PID1: variants seen among roughly 807,000 people sequenced by gnomAD.
PID1 encodes PTB-containing, cubilin and LRP1-interacting protein.
A neutral mutation model predicts 19.1 loss-of-function variants in PID1; 10 were observed. The observed-to-expected ratio is 0.52, with a 90% CI of 0.32 to 0.89. PID1 has a LOEUF of 0.89. Among genes scored for constraint, PID1 ranks in the 40% least tolerant of loss-of-function variants. PID1 has a pLI of 0.03. For missense variants in PID1, 248 were observed against 285.3 expected (o/e 0.87, Z 0.94); for synonymous variants, 130 against 116.0 (o/e 1.12, Z -0.78).
intron 1 of PID1, among the ~76,000 whole-genome samples, chr2:229,174,732 A>T (rs1272954737): frequency 1.3e-5 from 2 of 152,110 alleles, no homozygotes. Context: ...AGAAAAAAAA[A>T]AAAAAAAGAA....
intron 2 of PID1, among the ~76,000 whole-genome samples, chr2:229,127,473 A>C (rs1174911944): frequency 6.6e-6 from 1 of 152,168 alleles, no homozygotes; most frequent in Non-Finnish European, 1.5e-5. Flanking sequence ...ACTGCCATAC[A>C]AGCCATCAGA....
At chr2:229,262,950 T>C in intron 1 of PID1, 1 of 1,398,800 alleles carries the variant, frequency 7.1e-7, no homozygotes, top group Non-Finnish European at 9.3e-7. Context: ...TATGACCTCA[T>C]CTTAACTTGC....
intron 1 of PID1, among the ~76,000 whole-genome samples, chr2:229,212,842 C>T (rs919980930): frequency 6.6e-6 from 1 of 151,990 alleles, no homozygotes; most frequent in Non-Finnish European, 1.5e-5. Flanking sequence ...GCAGGAGCTC[C>T]CACCCCCAGA....
At chr2:229,231,377 G>A (rs1226981) in intron 1 of PID1, among the ~76,000 whole-genome samples, 1 of 151,804 alleles carries the variant, frequency 6.6e-6, no homozygotes, top group Admixed American at 6.6e-5. Context: ...ACAGTCAATT[G>A]CCCCATCCCC....
chr2:229,091,516 T>A (rs1305498228), intron 2 of PID1, among the ~76,000 whole-genome samples: 1 of 151,992 alleles, frequency 6.6e-6, no homozygotes, highest in African/African-American at 2.4e-5. Context: ...TGGAAAATGG[T>A]TAGGTCATGG....
chr2:229,028,871 C>T (rs1243609105), intron 2 of PID1, among the ~76,000 whole-genome samples: 2 of 152,180 alleles, frequency 1.3e-5, no homozygotes, highest in South Asian at 4.1e-4. Flanking sequence ...TAGCCATCAT[C>T]CTATTATCCT....
chr2:229,084,782 T>C (rs567987454), intron 2 of PID1, among the ~76,000 whole-genome samples: 80 of 152,278 alleles, frequency 5.3e-4, no homozygotes, highest in African/African-American at 1.8e-3. Context: ...ACATCACATG[T>C]GAGAAACAAT....
intron 1 of PID1, among the ~76,000 whole-genome samples, chr2:229,244,579 A>G (rs1050122450): frequency 1.3e-5 from 2 of 152,176 alleles, no homozygotes; most frequent in African/African-American, 2.4e-5. Flanking sequence ...CAACTCAGTC[A>G]AAATTAGGTA....
At position 229,024,219 on chromosome 2, in the gene PID1, G is replaced by A. The variant is rs1251327808; in HGVS notation, c.*1413C>T. 6.6e-6 allele frequency: 1 copy of A among 152,504 alleles called. No individual in the cohort carries two copies. The highest frequency in any genetic ancestry group is 1.5e-5 in the Non-Finnish European group (1 of 68,036). The allele number at this position is 152,504 out of a possible 1,614,324, so 9.4% of individuals were successfully genotyped here. Reference sequence around the variant, plus strand: ...TGCAGACCGAAATGCTGACACCATCGCTCTCTAGATTGGATTAGCTCTCAT... The same window carrying A: ...TGCAGACCGAAATGCTGACACCATCACTCTCTAGATTGGATTAGCTCTCAT... On this transcript the variant is annotated 3_prime_UTR_variant, in exon 3 of 3. Coordinates refer to ENST00000392055, the MANE Select transcript of PID1 (RefSeq NM_001100818.2).
At chr2:229,197,226 G>A (rs1040060089) in intron 1 of PID1, among the ~76,000 whole-genome samples, 1 of 152,046 alleles carries the variant, frequency 6.6e-6, no homozygotes, top group Non-Finnish European at 1.5e-5. Context: ...ATAAGTAATA[G>A]TGGCAACTTA....
chr2:229,248,671 A>C (rs188613144), intron 1 of PID1, among the ~76,000 whole-genome samples: 2 of 152,264 alleles, frequency 1.3e-5, no homozygotes, highest in East Asian at 3.9e-4. Flanking sequence ...GTAACATTTT[A>C]TTGTAAGGAA....
chr2:229,107,661 C>T lies in PID1; in HGVS notation c.177+48157G>A, dbSNP rs73998551. Among the ~76,000 whole-genome samples, 468 of 152,212 alleles carry T rather than the reference C, an allele frequency of 3.1e-3. 5 individuals are homozygous for T. Among genetic ancestry groups the T allele is most frequent in the African/African-American group, 0.011 (445 of 41,520 alleles). On this transcript the variant is annotated intron_variant, in intron 2 of 2. Transcript: ENST00000392055. ...GGGTTTCTTATAATCAAGTTGTCGA[C>T]GGTGCTTTTATATTTGAGCATTTTG...
In PID1 at chr2:229,025,655, C is replaced by G; in HGVS notation, c.631G>C (p.Glu211Gln). ...SNSSSEEVSQ[E>Q]LESDDG Reference sequence around the variant, plus strand: ...ATTCAGCCATCATCGGATTCCAATTCCTGGGAAACCTCTTCGGAGGAGCTG... The same window carrying G: ...ATTCAGCCATCATCGGATTCCAATTGCTGGGAAACCTCTTCGGAGGAGCTG... Residue 211 changes from glutamate to glutamine, a missense_variant, in exon 3 of 3, where the codon GAA becomes CAA. Physicochemically the swap from Glu to Gln is conservative, Grantham distance 29. Coordinates refer to ENST00000392055, the MANE Select transcript of PID1 (RefSeq NM_001100818.2). 1.9e-6 allele frequency: 3 copies of G among 1,610,522 alleles called. No homozygotes were observed. Among genetic ancestry groups the G allele is most frequent in the Non-Finnish European group, 2.5e-6 (3 of 1,176,902 alleles).
Position 229,054,070 on chromosome 2 carries a change from T to C in PID1, c.178-27962A>G, listed in dbSNP as rs568932486. Reference sequence around the variant, plus strand: ...ATAACAGGTGGCTTTTATATGCTCATAATGCTATTAGGCAGGGTGGGATAT... The same window carrying C: ...ATAACAGGTGGCTTTTATATGCTCACAATGCTATTAGGCAGGGTGGGATAT... On this transcript the variant is annotated intron_variant, in intron 2 of 2. Transcript: ENST00000392055. Among the ~76,000 whole-genome samples, 8 of 150,882 alleles carry C rather than the reference T, an allele frequency of 5.3e-5. No homozygotes were observed. The South Asian group carries it at 1.7e-3, about 31-fold the overall frequency.
At chr2:229,065,681 C>G (rs1464604102) in intron 2 of PID1, among the ~76,000 whole-genome samples, 2 of 61,026 alleles carry the variant, frequency 3.3e-5, no homozygotes, top group Non-Finnish European at 6.5e-5. Flanking sequence ...TTGTTTTAAA[C>G]TAAAGCTACA....
At chr2:229,246,510 C>T (rs567423137) in intron 1 of PID1, among the ~76,000 whole-genome samples, 6 of 152,242 alleles carry the variant, frequency 3.9e-5, no homozygotes, top group East Asian at 3.9e-4. Context: ...AAGTCAGTCA[C>T]TCTATTCATG....
intron 2 of PID1, among the ~76,000 whole-genome samples, chr2:229,093,416 G>C (rs1031987961): frequency 1.3e-5 from 2 of 151,592 alleles, no homozygotes; most frequent in Non-Finnish European, 2.9e-5. Flanking sequence ...GAGCCATCAA[G>C]CCTCGCCCCC....
chr2:229,191,656 C>A (rs1386251279), intron 1 of PID1, among the ~76,000 whole-genome samples: 1 of 152,132 alleles, frequency 6.6e-6, no homozygotes, highest in Non-Finnish European at 1.5e-5. Flanking sequence ...AATACTTCAA[C>A]AAAAATTAAC....
chr2:229,098,050 A>G lies in PID1; in HGVS notation c.177+57768T>C, dbSNP rs1246937985. ...AAAAGTTTTGTTCAGTGCAAAACCA[A>G]CATTCAGAGGCCCATTGAATCATGA... On this transcript the variant is annotated intron_variant, in intron 2 of 2. Transcript: ENST00000392055. Among the ~76,000 whole-genome samples, 4 of 152,322 alleles carry G rather than the reference A, an allele frequency of 2.6e-5. No individual in the cohort carries two copies. The East Asian group carries it at 7.7e-4, about 29-fold the overall frequency.
Sources: allele counts gnomAD v4.1 joint callset (sites outside exome capture counted in the v4.1 genomes callset), GRCh38; gene constraint gnomAD v4.1.1; transcripts MANE v1.5; gene names NCBI Gene and HGNC (gene_info 2026-07-23, HGNC 2026-07-21).